The following ARHGEF11 variants were observed in gnomAD, a reference collection of about 807,000 sequenced individuals.
ARHGEF11 encodes Rho guanine exchange factor (GEF) 11.
A neutral mutation model predicts 193.7 loss-of-function variants in ARHGEF11; 55 were observed. The ratio of observed to expected loss-of-function variants is 0.28; its 90% CI spans 0.23 to 0.36. The LOEUF (loss-of-function observed/expected upper bound fraction) is 0.36. Ranked by LOEUF, ARHGEF11 falls within the 10% of genes least tolerant of loss-of-function variation. The pLI is 1.00. For missense variants in ARHGEF11, 1,723 were observed against 2,005.6 expected (o/e 0.86, Z 2.69); for synonymous variants, 693 against 768.0 (o/e 0.90, Z 1.62).
At chr1:156,994,391 TG>T (rs1348541736) in intron 1 of ARHGEF11, among the ~76,000 whole-genome samples, 11 of 26,864 alleles carry the variant, frequency 4.1e-4, no homozygotes, top group Middle Eastern at 0.023. Flanking sequence ...TTTTATTGTG[TG>T]TTTTTTTTTT....
intron 37 of ARHGEF11, chr1:156,938,797 G>A (rs3765789): frequency 0.024 from 10,309 of 428,946 alleles, 195 homozygotes; most frequent in South Asian, 0.052. Flanking sequence ...GGGAGGCAGA[G>A]TGGAATCCCA....
chr1:156,992,023 T>C (rs558512861), intron 1 of ARHGEF11, among the ~76,000 whole-genome samples: 135 of 152,340 alleles, frequency 8.9e-4, no homozygotes, highest in African/African-American at 3.2e-3. Flanking sequence ...GCCAAGCTTA[T>C]TTCATTTTTT....
At chr1:156,996,623 A>G (rs1666529079) in intron 1 of ARHGEF11, among the ~76,000 whole-genome samples, 1 of 151,620 alleles carries the variant, frequency 6.6e-6, no homozygotes, top group African/African-American at 2.4e-5. Flanking sequence ...AATACAAAAA[A>G]TTAGCCGGGC....
At chr1:157,023,520 C>T (rs1461497833) in intron 1 of ARHGEF11, among the ~76,000 whole-genome samples, 2 of 152,202 alleles carry the variant, frequency 1.3e-5, no homozygotes, top group Non-Finnish European at 2.9e-5. Context: ...AATCTCAACA[C>T]TTTGGGAGGC....
intron 11 of ARHGEF11, among the ~76,000 whole-genome samples, chr1:156,966,735 A>G (rs1661717575): frequency 6.6e-6 from 1 of 152,226 alleles, no homozygotes; most frequent in African/African-American, 2.4e-5. Flanking sequence ...GAAAAATTTC[A>G]GCCTGGTGCC....
At chr1:157,023,302 A>G (rs1670218372) in intron 1 of ARHGEF11, among the ~76,000 whole-genome samples, 1 of 152,224 alleles carries the variant, frequency 6.6e-6, no homozygotes. Flanking sequence ...TAAAGGGACG[A>G]ATAACTTAAA....
At chr1:156,989,006 G>C (rs1665338951) in intron 1 of ARHGEF11, among the ~76,000 whole-genome samples, 1 of 152,076 alleles carries the variant, frequency 6.6e-6, no homozygotes, top group Non-Finnish European at 1.5e-5. Context: ...GAGGAGGGTA[G>C]TTTGGCCTGA....
intron 13 of ARHGEF11, among the ~76,000 whole-genome samples, chr1:156,962,643 C>T (rs1029231369): frequency 6.6e-6 from 1 of 151,972 alleles, no homozygotes; most frequent in Non-Finnish European, 1.5e-5. Flanking sequence ...CTTTGGGAGG[C>T]TGAGGTGGGT....
chr1:156,949,004 T>C (rs1316091809), intron 22 of ARHGEF11: 16 of 985,166 alleles, frequency 1.6e-5, no homozygotes, highest in Non-Finnish European at 1.6e-5. Context: ...GAAAGTGGAG[T>C]CACTATATTC....
chr1:157,026,335 G>T (rs1670636475), intron 1 of ARHGEF11, among the ~76,000 whole-genome samples: 1 of 152,052 alleles, frequency 6.6e-6, no homozygotes, highest in South Asian at 2.1e-4. Flanking sequence ...CATCCTCCTA[G>T]AACACACACA....
chr1:157,000,755 C>T (rs1667115473), intron 1 of ARHGEF11, among the ~76,000 whole-genome samples: 1 of 152,178 alleles, frequency 6.6e-6, no homozygotes, highest in African/African-American at 2.4e-5. Context: ...TTGCAATCCC[C>T]TTCCTTGGGC....
chr1:157,021,033 T>A (rs1304413101), intron 1 of ARHGEF11, among the ~76,000 whole-genome samples: 2 of 152,198 alleles, frequency 1.3e-5, no homozygotes, highest in Admixed American at 1.3e-4. Flanking sequence ...TGTGCACACA[T>A]CAGAAAAGGT....
At chr1:157,042,621 G>A (rs1323495169) in intron 1 of ARHGEF11, among the ~76,000 whole-genome samples, 1 of 152,138 alleles carries the variant, frequency 6.6e-6, no homozygotes, top group Admixed American at 6.5e-5. Flanking sequence ...AATGAGATAT[G>A]TTCTACGAAA....
intron 1 of ARHGEF11, among the ~76,000 whole-genome samples, chr1:157,024,617 T>C (rs777717524): frequency 2.2e-4 from 34 of 152,296 alleles, no homozygotes; most frequent in Non-Finnish European, 2.8e-4. Flanking sequence ...CAGCCTGCTA[T>C]GCTATGTAAA....
intron 1 of ARHGEF11, among the ~76,000 whole-genome samples, chr1:156,998,496 A>G (rs1016456285): frequency 6.6e-6 from 1 of 152,194 alleles, no homozygotes; most frequent in African/African-American, 2.4e-5. Flanking sequence ...TGCGAACCTC[A>G]GTTTTCTCAT....
intron 7 of ARHGEF11, 110 bp from the exon 8 acceptor site, chr1:156,971,926 T>G (rs2102314933): frequency 7.3e-7 from 1 of 1,375,970 alleles, no homozygotes; most frequent in Admixed American, 2.1e-5. Context: ...AAAACAAAGA[T>G]GAGAGAGAAG....
At chr1:156,986,745 A>G (rs1433399461) in intron 1 of ARHGEF11, among the ~76,000 whole-genome samples, 1 of 152,024 alleles carries the variant, frequency 6.6e-6, no homozygotes, top group African/African-American at 2.4e-5. Context: ...TCAAAGTTCC[A>G]CCTCTCCATA....
At chr1:157,025,798 C>T (rs2102953114) in intron 1 of ARHGEF11, among the ~76,000 whole-genome samples, 1 of 152,190 alleles carries the variant, frequency 6.6e-6, no homozygotes, top group South Asian at 2.1e-4. Context: ...CCTATGGGAA[C>T]CCAGGCAGAA....
intron 1 of ARHGEF11, among the ~76,000 whole-genome samples, chr1:157,020,967 TC>T (rs1357535530): frequency 6.6e-6 from 1 of 152,190 alleles, no homozygotes; most frequent in African/African-American, 2.4e-5. Flanking sequence ...CACCCACTCT[TC>T]CAAGCTGCCC....
Sources: gnomAD v4.1 joint callset for allele counts (sites outside exome capture counted in the v4.1 genomes callset) on GRCh38, gnomAD v4.1.1 for gene constraint, MANE v1.5 for transcripts, NCBI Gene and HGNC (gene_info 2026-07-23, HGNC 2026-07-21) for gene names.